The following ACSM6 variants were observed in gnomAD, a reference collection of about 807,000 sequenced individuals.
ACSM6 encodes the protein acyl-CoA synthetase medium chain family member 6.
A neutral mutation model predicts 51.1 loss-of-function variants in ACSM6; 35 were observed. The observed-to-expected ratio is 0.69, with a 90% CI of 0.52 to 0.91. The LOEUF (loss-of-function observed/expected upper bound fraction) is 0.91. ACSM6 is among the 40% of genes least tolerant of loss of function. The pLI is 0.00. For missense variants in ACSM6, 509 were observed against 584.1 expected, an observed-to-expected ratio of 0.87 and a Z score of 1.32; for synonymous variants, 172 against 207.3, an observed-to-expected ratio of 0.83 and a Z score of 1.46.
rs1265206340 is a variant in ACSM6 at position 95,212,960 on chromosome 10, G to A, written c.995+20G>A. On this transcript the variant is annotated intron_variant, in intron 7 of 10. Transcript: ENST00000341686. ...CACCAGGTAAGAGAGGATCCCTCAG[G>A]AGAGAGTCCATTTCCACTCATGGTA... 3.2e-6 allele frequency: 5 copies of A among 1,573,956 alleles called. No homozygotes were observed. Among genetic ancestry groups the A allele is most frequent in the South Asian group, 1.1e-5 (1 of 90,200 alleles).
chr10:95,201,224 T>C (rs755520274), intron 2 of ACSM6, among the ~76,000 whole-genome samples: 5 of 152,304 alleles, frequency 3.3e-5, no homozygotes, highest in African/African-American at 7.2e-5. Flanking sequence ...GTTGCATGTA[T>C]AGATGGCACA....
intron 10 of ACSM6, chr10:95,226,142 T>A (rs1466634442): frequency 6.6e-6 from 1 of 152,202 alleles, no homozygotes; most frequent in Non-Finnish European, 1.5e-5. Context: ...AAAGGTACAT[T>A]TTCCTCTTTG....
rs111304014 is a variant in ACSM6 at position 95,195,241 on chromosome 10, A to G, written c.192+564A>G. ...AAAAGAAGTGCCAAAGGAAATAAGT[A>G]TAAGTATGCCTCTGGATAATGGAAT... On this transcript the variant is annotated intron_variant, in intron 2 of 10. Transcript: ENST00000341686. Among the ~76,000 whole-genome samples, 1,270 of 152,342 alleles carry G rather than the reference A, an allele frequency of 8.3e-3. 29 individuals are homozygous for G. Among genetic ancestry groups the G allele is most frequent in the African/African-American group, 0.029 (1,216 of 41,574 alleles).
intron 5 of ACSM6, among the ~76,000 whole-genome samples, chr10:95,211,383 A>C (rs185644371): frequency 6.6e-6 from 1 of 152,234 alleles, no homozygotes; most frequent in Non-Finnish European, 1.5e-5. Flanking sequence ...CCCACCTTAC[A>C]TTCAATCCTG....
intron 4 of ACSM6, among the ~76,000 whole-genome samples, chr10:95,208,900 T>C (rs1233904493): frequency 8.0e-6 from 1 of 125,102 alleles, no homozygotes; most frequent in African/African-American, 3.0e-5. Context: ...AATGTGGTCT[T>C]TAGAGGGCAG....
At chr10:95,201,882 T>C in intron 2 of ACSM6, 103 bp from the exon 3 acceptor site, 1 of 943,956 alleles carries the variant, frequency 1.1e-6, no homozygotes, top group South Asian at 1.5e-5. Context: ...CATCCTAGCC[T>C]CTCAAGATCT....
chr10:95,216,895 A>G (rs1353140495), intron 8 of ACSM6, among the ~76,000 whole-genome samples: 1 of 152,232 alleles, frequency 6.6e-6, no homozygotes, highest in Non-Finnish European at 1.5e-5. Context: ...GAGTCAGGGA[A>G]CAAACAGTCC....
intron 8 of ACSM6, 26 bp downstream of exon 8, chr10:95,215,001 A>G (rs1363525176): frequency 6.4e-7 from 1 of 1,550,560 alleles, no homozygotes; most frequent in Non-Finnish European, 8.7e-7. Flanking sequence ...CTCACTATTT[A>G]GCCAGAAACC....
chr10:95,211,321 G>A (rs988510138), intron 5 of ACSM6, among the ~76,000 whole-genome samples: 5 of 152,228 alleles, frequency 3.3e-5, no homozygotes, highest in African/African-American at 1.2e-4. Context: ...AACATGCAAT[G>A]AAGTAGTTGG....
In ACSM6 at chr10:95,212,126, A is replaced by G. The variant is rs1220868921; in HGVS notation, c.912+92A>G. 2.1e-6 allele frequency: 3 copies of G among 1,458,434 alleles called. No individual in the cohort carries two copies. The African/African-American group carries it at 4.2e-5, about 21-fold the overall frequency. 90.3% of individuals were successfully genotyped at this position (1,458,434 alleles called of 1,614,324 possible). A position where few individuals can be genotyped will look rare whatever the true frequency, so the allele number is the denominator to read the frequency against. On this transcript the variant is annotated intron_variant, in intron 6 of 10. Coordinates refer to ENST00000341686, the Ensembl canonical transcript of ACSM6. ...GTGACTCATGCCCAGAATGGGGCAA[A>G]TCAAGAGTTAAATTTGGAATGTGAT...
intron 10 of ACSM6, among the ~76,000 whole-genome samples, chr10:95,227,608 G>T (rs2133397822): frequency 6.6e-6 from 1 of 152,310 alleles, no homozygotes; most frequent in East Asian, 1.9e-4. Flanking sequence ...CCAAAGAAGA[G>T]ACCCAGATAT....
intron 3 of ACSM6, among the ~76,000 whole-genome samples, chr10:95,206,248 C>A (rs2034837414): frequency 6.6e-6 from 1 of 152,196 alleles, no homozygotes; most frequent in Non-Finnish European, 1.5e-5. Flanking sequence ...AAATAGAATG[C>A]AACATCTAGC....
rs1488511598 is a variant in ACSM6, at chr10:95,194,678, G to A, written c.192+1G>A. 1.9e-6 allele frequency: 3 copies of A among 1,550,668 alleles called. No individual in the cohort carries two copies. The highest frequency in any genetic ancestry group is 2.7e-5 in the African/African-American group (2 of 72,988). ...GGATCAGTGGTCCCAGCTGGAAAAG[G>A]TAAAACTTGTTGTTTTCTACCTTGG... On this transcript the variant is annotated splice_donor_variant, in intron 2 of 10. Coordinates refer to ENST00000341686, the Ensembl canonical transcript of ACSM6. LOFTEE classifies it high-confidence loss of function.
chr10:95,215,459 G>A (rs1301054695), intron 8 of ACSM6, among the ~76,000 whole-genome samples: 2 of 152,182 alleles, frequency 1.3e-5, no homozygotes, highest in African/African-American at 2.4e-5. Context: ...CTAAAACACA[G>A]ATGAAAAGCA....
Position 95,228,632 on chromosome 10 carries a change from T to C in ACSM6, c.1303-12T>C, listed in dbSNP as rs1231329317. Reference sequence around the variant, plus strand: ...AAGTAAATGTAGGTTTCTGGATTCATCATTCTATCAGGTGAGCTGGGAGGA... The same window carrying C: ...AAGTAAATGTAGGTTTCTGGATTCACCATTCTATCAGGTGAGCTGGGAGGA... On this transcript the variant is annotated splice_polypyrimidine_tract_variant and intron_variant, in intron 10 of 10. Coordinates refer to ENST00000341686, the Ensembl canonical transcript of ACSM6. The C allele has an allele frequency of 1.9e-6, 3 of 1,549,678 alleles. No homozygotes were observed. Among genetic ancestry groups the C allele is most frequent in the Non-Finnish European group, 2.6e-6 (3 of 1,146,142 alleles).
intron 7 of ACSM6, among the ~76,000 whole-genome samples, chr10:95,213,429 C>A (rs1246582404): frequency 6.6e-6 from 1 of 152,168 alleles, no homozygotes; most frequent in East Asian, 1.9e-4. Context: ...ACCTATCCAT[C>A]TATCCCAAAA....
chr10:95,220,064 G>C (rs2034982228), intron 9 of ACSM6, 93 bp downstream of exon 9: 1 of 992,132 alleles, frequency 1.0e-6, no homozygotes, highest in Non-Finnish European at 1.6e-6. Context: ...AGGCAATGAG[G>C]AAAGTCCACC....
exon 8 of ACSM6, chr10:95,214,882 G>A: frequency 6.4e-7 from 1 of 1,551,568 alleles, no homozygotes; most frequent in Non-Finnish European, 8.7e-7. Flanking sequence ...AGCAGTGTGT[G>A]GCTGCAGGAG....
chr10:95,214,791 C>T (rs1564590100), intron 7 of ACSM6, 61 bp from the exon 8 acceptor site: 6 of 1,513,116 alleles, frequency 4.0e-6, no homozygotes, highest in Non-Finnish European at 5.3e-6. Flanking sequence ...TTCTTTCTAA[C>T]AGACCTGTTA....
Sources: allele counts gnomAD v4.1 joint callset (sites outside exome capture counted in the v4.1 genomes callset), GRCh38; gene constraint gnomAD v4.1.1; transcripts MANE v1.5; gene names NCBI Gene and HGNC (gene_info 2026-07-23, HGNC 2026-07-21).